Variants in NCALD observed in about 807,000 individuals in gnomAD.
NCALD encodes neurocalcin-delta.
Under a neutral mutation model 18.6 loss-of-function variants are expected in NCALD, and 10 were observed. The ratio of observed to expected loss-of-function variants is 0.54; its 90% CI spans 0.33 to 0.91. NCALD has a LOEUF of 0.91. Ranked by LOEUF, NCALD falls within the 40% of genes least tolerant of loss-of-function variation. The pLI, the probability that NCALD is intolerant of heterozygous loss-of-function variation, is 0.03. For synonymous variants in NCALD, 88 were observed against 87.4 expected (o/e 1.01, Z -0.04); for missense variants, 184 against 247.6 (o/e 0.74, Z 1.72).
intron 1 of NCALD, among the ~76,000 whole-genome samples, chr8:101,729,132 A>G (rs1816701704): frequency 6.6e-6 from 1 of 152,242 alleles, no homozygotes; most frequent in African/African-American, 2.4e-5. Flanking sequence ...CTAAGGAAAA[A>G]TAAGGAAGAC....
chr8:101,926,100 C>T (rs1186644970), intron 2 of NCALD, among the ~76,000 whole-genome samples: 1 of 152,174 alleles, frequency 6.6e-6, no homozygotes, highest in Non-Finnish European at 1.5e-5. Flanking sequence ...GGGAGAGCCC[C>T]AGCCCACTGC....
Position 101,692,872 on chromosome 8 carries a change from C to G in NCALD, c.403G>C (p.Val135Leu). 1.9e-6 allele frequency: 3 copies of G among 1,613,788 alleles called. No individual in the cohort carries two copies. The highest frequency in any genetic ancestry group is 2.5e-6 in the Non-Finnish European group (3 of 1,179,732). The stretch of plus-strand genomic sequence containing the variant: ...GACTCATCTTCAGGCATTTTCATTA[C>G]AGAGGAAACCATCTTATAGATTGCC... ...VQAIYKMVSS[V>L]MKMPEDESTP... The change falls in exon 3 of 4, where the codon GTA becomes CTA. Residue 135 changes from valine to leucine, a missense_variant. Coordinates refer to ENST00000220931, the MANE Select transcript of NCALD (RefSeq NM_032041.3).
At chr8:102,050,653 T>C (rs1197110665) in intron 1 of NCALD, among the ~76,000 whole-genome samples, 1 of 147,990 alleles carries the variant, frequency 6.8e-6, no homozygotes, top group Non-Finnish European at 1.5e-5. Context: ...GCATACATTA[T>C]ATGTTTGTAT....
At chr8:101,691,446 G>T in intron 3 of NCALD, 1 of 985,192 alleles carries the variant, frequency 1.0e-6, no homozygotes, top group Non-Finnish European at 1.2e-6. Flanking sequence ...CACAGTTAGG[G>T]CTTTAGGGCT....
chr8:101,705,469 GCTTT>G (rs151072820), intron 2 of NCALD, among the ~76,000 whole-genome samples: 1,708 of 152,122 alleles, frequency 0.011, 13 homozygotes, highest in Non-Finnish European at 0.018. Context: ...GCCAGAACAG[GCTTT>G]CTAATCCCAC....
chr8:102,119,715 G>A (rs1253549524), intron 1 of NCALD, among the ~76,000 whole-genome samples: 1 of 152,180 alleles, frequency 6.6e-6, no homozygotes, highest in Admixed American at 6.5e-5. Context: ...CTTACCTCCT[G>A]CACATTCCCC....
chr8:101,841,823 C>T (rs1814654248), intron 4 of NCALD, among the ~76,000 whole-genome samples: 1 of 152,122 alleles, frequency 6.6e-6, no homozygotes, highest in African/African-American at 2.4e-5. Context: ...CATAAGAAGT[C>T]TGCTGAGGGG....
chr8:101,895,689 C>A (rs1362496844), intron 3 of NCALD, among the ~76,000 whole-genome samples: 3 of 148,840 alleles, frequency 2.0e-5, no homozygotes, highest in Non-Finnish European at 4.4e-5. Context: ...AATCAATGTG[C>A]AAAAATCACA....
At chr8:101,898,565 T>C (rs906838865) in intron 3 of NCALD, among the ~76,000 whole-genome samples, 5 of 152,186 alleles carry the variant, frequency 3.3e-5, no homozygotes, top group African/African-American at 7.2e-5. Flanking sequence ...GCTGTTGATA[T>C]CATGTTTAGG....
chr8:101,722,990 T>C (rs1204173521), intron 1 of NCALD, among the ~76,000 whole-genome samples: 1 of 152,196 alleles, frequency 6.6e-6, no homozygotes, highest in Non-Finnish European at 1.5e-5. Flanking sequence ...TTGACAGAGT[T>C]TCATTCCTTA....
chr8:101,923,312 C>G (rs1818229401), intron 2 of NCALD, among the ~76,000 whole-genome samples: 1 of 152,188 alleles, frequency 6.6e-6, no homozygotes, highest in African/African-American at 2.4e-5. Flanking sequence ...ACTAAGACAA[C>G]TACAAATTTA....
Position 101,891,138 on chromosome 8 carries a change from AT to A in NCALD, c.-106-3912del, listed in dbSNP as rs766573782. On this transcript the variant is annotated intron_variant, in intron 3 of 6. Coordinates refer to the NCALD transcript ENST00000311028. ...TTGTGTTGAGGCAAACCCATATGTAATTTTTTTTTTACATTTCCACATTATT... is the reference window on the plus strand; with the variant it reads ...TTGTGTTGAGGCAAACCCATATGTAATTTTTTTTTACATTTCCACATTATT... Among the ~76,000 whole-genome samples the A allele has an allele frequency of 5.5e-3, 828 of 150,366 alleles. 5 individuals carry two copies. Among genetic ancestry groups the A allele is most frequent in the African/African-American group, 0.018 (744 of 41,062 alleles).
chr8:101,712,668 A>G (rs1362651066), intron 2 of NCALD, among the ~76,000 whole-genome samples: 1 of 152,052 alleles, frequency 6.6e-6, no homozygotes, highest in Non-Finnish European at 1.5e-5. Context: ...AACAAAGATC[A>G]AAAAAGACAA....
At chr8:101,734,821 T>C (rs918227047) in intron 1 of NCALD, among the ~76,000 whole-genome samples, 7 of 152,250 alleles carry the variant, frequency 4.6e-5, no homozygotes, top group Admixed American at 1.3e-4. Context: ...TCTAACTCCA[T>C]TCTGAATCTC....
intron 2 of NCALD, among the ~76,000 whole-genome samples, chr8:101,933,905 A>G (rs1350604902): frequency 6.6e-6 from 1 of 152,232 alleles, no homozygotes; most frequent in African/African-American, 2.4e-5. Flanking sequence ...TAACCCACAG[A>G]GAGACTTCAT....
intron 1 of NCALD, among the ~76,000 whole-genome samples, chr8:102,120,666 A>G (rs760325233): frequency 6.6e-5 from 10 of 152,344 alleles, no homozygotes; most frequent in Non-Finnish European, 1.2e-4. Context: ...TCAGAGCCAA[A>G]ATAACATTCC....
intron 2 of NCALD, among the ~76,000 whole-genome samples, chr8:102,001,054 G>A (rs1234757769): frequency 3.3e-5 from 5 of 152,310 alleles, no homozygotes; most frequent in African/African-American, 9.6e-5. Context: ...GAGAGAAGAA[G>A]GCTTCAGATG....
At chr8:102,019,139 A>T (rs1459684659) in intron 2 of NCALD, among the ~76,000 whole-genome samples, 1 of 152,032 alleles carries the variant, frequency 6.6e-6, no homozygotes, top group East Asian at 1.9e-4. Flanking sequence ...AAGATACCCA[A>T]ATGGCCAATT....
intron 1 of NCALD, among the ~76,000 whole-genome samples, chr8:102,061,707 C>T (rs982237970): frequency 2.0e-5 from 3 of 152,180 alleles, no homozygotes; most frequent in African/African-American, 7.2e-5. Flanking sequence ...TTCAAATTCC[C>T]TTCCCAGGAC....
Sources: allele counts gnomAD v4.1 joint callset (sites outside exome capture counted in the v4.1 genomes callset), GRCh38; gene constraint gnomAD v4.1.1; transcripts MANE v1.5; gene names NCBI Gene and HGNC (gene_info 2026-07-23, HGNC 2026-07-21).